DRC9: variants seen among roughly 807,000 people sequenced by gnomAD.
DRC9 encodes the protein dynein regulatory complex subunit 9, also known as dynein regulatory complex protein 9.
the DRC9 span, chr3:197,891,314 C>T: frequency 2.2e-5 from 12 of 554,902 alleles, no homozygotes; most frequent in African/African-American, 3.9e-5. Context: ...CTAATAATAA[C>T]AAAAGTCCAT....
At chr3:197,959,763 AT>A in the DRC9 span, 1 of 156,388 alleles carries the variant, frequency 6.4e-6, no homozygotes, top group Non-Finnish European at 1.4e-5. Flanking sequence ...TGTATCATAG[AT>A]TTTTATAGGA....
chr3:197,908,737 C>G, the DRC9 span, among the ~76,000 whole-genome samples: 1 of 149,270 alleles, frequency 6.7e-6, no homozygotes, highest in Non-Finnish European at 1.5e-5. Context: ...GCAACCCTTT[C>G]CCAGGCATCC....
chr3:197,912,521 A>G, the DRC9 span: 1 of 661,640 alleles, frequency 1.5e-6, no homozygotes, highest in Non-Finnish European at 2.7e-6. Flanking sequence ...TAAGATATCT[A>G]TTCAGATGCA....
chr3:197,951,447 G>C, the DRC9 span: 3 of 943,970 alleles, frequency 3.2e-6, no homozygotes, highest in African/African-American at 1.6e-5. Flanking sequence ...CCGCCTCCCG[G>C]GTTCAAGCAA....
At chr3:197,889,860 CT>C in the DRC9 span, 1 of 880,666 alleles carries the variant, frequency 1.1e-6, no homozygotes. Context: ...CACGTAATCA[CT>C]TCAGCGATGC....
the DRC9 span, among the ~76,000 whole-genome samples, chr3:197,936,835 C>T: frequency 5.9e-5 from 9 of 152,224 alleles, no homozygotes; most frequent in Admixed American, 2.6e-4. Context: ...AGATACGAGC[C>T]ACACACTGAG....
At chr3:197,957,047 C>T in the DRC9 span, 1 of 152,170 alleles carries the variant, frequency 6.6e-6, no homozygotes, top group Non-Finnish European at 1.5e-5. Context: ...AAAGAATTAA[C>T]ATGCTGGAAA....
chr3:197,944,064 T>A, the DRC9 span: 6 of 1,598,684 alleles, frequency 3.8e-6, no homozygotes, highest in Admixed American at 7.1e-5. Flanking sequence ...AAGGAAAGAA[T>A]AAAGAAAAAA....
chr3:197,914,060 G>A, the DRC9 span: 2 of 1,610,688 alleles, frequency 1.2e-6, no homozygotes, highest in East Asian at 4.5e-5. Context: ...GGAAAGACCA[G>A]GTTTCTAAAT....
the DRC9 span, chr3:197,943,677 GAGAA>G: frequency 4.8e-6 from 5 of 1,047,686 alleles, no homozygotes; most frequent in Non-Finnish European, 7.0e-6. Flanking sequence ...AAGAGAGAGA[GAGAA>G]AGAAAGAAAA....
the DRC9 span, chr3:197,912,542 A>G: frequency 1.4e-6 from 1 of 708,660 alleles, no homozygotes; most frequent in Non-Finnish European, 2.5e-6. Context: ...TAACCCTGAA[A>G]GAAAACATGA....
At chr3:197,936,562 CTAT>C in the DRC9 span, among the ~76,000 whole-genome samples, 1 of 152,142 alleles carries the variant, frequency 6.6e-6, no homozygotes, top group Admixed American at 6.6e-5. Context: ...TGAGATTTCA[CTAT>C]GTTACCCAGC....
the DRC9 span, among the ~76,000 whole-genome samples, chr3:197,924,740 G>T: frequency 1.8e-4 from 27 of 152,158 alleles, 1 homozygote; most frequent in South Asian, 1.2e-3. Context: ...GGATGGTCTC[G>T]ATCTCTTAAC....
the DRC9 span, among the ~76,000 whole-genome samples, chr3:197,936,061 G>A: frequency 2.0e-5 from 3 of 151,930 alleles, no homozygotes; most frequent in African/African-American, 7.2e-5. Context: ...CTGCTCGGGA[G>A]GCTGAAGCAG....
chr3:197,912,799 CAGA>C, the DRC9 span: 3 of 1,455,696 alleles, frequency 2.1e-6, no homozygotes, highest in African/African-American at 4.2e-5. Context: ...GGCTGGGAAT[CAGA>C]AGTTCTCAAG....
chr3:197,932,496 G>C, the DRC9 span, among the ~76,000 whole-genome samples: 3 of 151,742 alleles, frequency 2.0e-5, no homozygotes, highest in Admixed American at 6.6e-5. Flanking sequence ...TTAGCCAGGC[G>C]CGGTGGCAGG....
the DRC9 span, among the ~76,000 whole-genome samples, chr3:197,934,895 G>A: frequency 6.6e-6 from 1 of 151,628 alleles, no homozygotes; most frequent in Admixed American, 6.6e-5. Context: ...TGAGGTGGGA[G>A]GGTCGTTTGA....
the DRC9 span, among the ~76,000 whole-genome samples, chr3:197,943,253 C>A: frequency 1.3e-5 from 2 of 152,154 alleles, no homozygotes; most frequent in Non-Finnish European, 2.9e-5. Context: ...AGATTGTATT[C>A]ATACTGATTT....
the DRC9 span, chr3:197,891,359 G>A: frequency 1.1e-3 from 842 of 736,388 alleles, 10 homozygotes; most frequent in African/African-American, 0.013. Context: ...TTGATATACT[G>A]AGATGTGTTT....
Sources: gnomAD v4.1 joint callset for allele counts (sites outside exome capture counted in the v4.1 genomes callset) on GRCh38, gnomAD v4.1.1 for gene constraint, MANE v1.5 for transcripts, NCBI Gene and HGNC (gene_info 2026-07-23, HGNC 2026-07-21) for gene names.